Variants in TOX2 observed in about 807,000 individuals in gnomAD.
The protein encoded by TOX2 is granulosa cell HMG box 1.
In TOX2, 15 loss-of-function variants were observed where a neutral mutation model predicts 47.4. That is an observed-to-expected ratio of 0.32 (90% CI 0.21 to 0.49). The LOEUF (loss-of-function observed/expected upper bound fraction) is 0.49. Among genes scored for constraint, TOX2 ranks in the 20% least tolerant of loss-of-function variants. TOX2 has a pLI of 0.99. For missense variants in TOX2, 622 were observed against 673.1 expected (o/e 0.92, Z 0.84); for synonymous variants, 290 against 296.6 (o/e 0.98, Z 0.23).
intron 1 of TOX2, among the ~76,000 whole-genome samples, chr20:43,961,303 AG>A (rs1301316079): frequency 6.6e-6 from 1 of 152,008 alleles, no homozygotes; most frequent in African/African-American, 2.4e-5. Context: ...TGATCTGGGC[AG>A]GGGGCTTGGA....
At chr20:43,983,421 G>C (rs1200809486) in intron 2 of TOX2, among the ~76,000 whole-genome samples, 1 of 152,104 alleles carries the variant, frequency 6.6e-6, no homozygotes, top group East Asian at 1.9e-4. Context: ...CTAGGGTGGG[G>C]AGATGGTACC....
rs956886471 is a variant in TOX2 at position 43,916,736 on chromosome 20, G to A, written c.99+1746G>A. 2.0e-5 allele frequency among the ~76,000 whole-genome samples: 3 copies of A among 152,210 alleles called. No homozygotes were observed. Among genetic ancestry groups the A allele is most frequent in the African/African-American group, 7.2e-5 (3 of 41,438 alleles). ...AGGTAGGTACCAGCCTCTGGTTTGC[G>A]GGTGTGGGTGGGCTGGGCATTTGTG... On this transcript the variant is annotated intron_variant, in intron 1 of 8. Transcript: ENST00000341197. This position sits in a 1 kb window ranked among gnomAD's most constrained non-coding sequence, Gnocchi z 5.0.
intron 1 of TOX2, among the ~76,000 whole-genome samples, chr20:43,934,798 T>TGTGTGTG (rs2069302789): frequency 1.4e-5 from 2 of 147,842 alleles, no homozygotes; most frequent in South Asian, 2.2e-4. Flanking sequence ...GTGTGTGTGT[T>TGTGTGTG]TGTGTGTGTG....
chr20:43,948,826 C>G (rs764545883), intron 1 of TOX2, among the ~76,000 whole-genome samples: 2 of 152,208 alleles, frequency 1.3e-5, no homozygotes, highest in African/African-American at 4.8e-5. Context: ...GGGAGGGCCT[C>G]GGGAACCTCC....
intron 3 of TOX2, among the ~76,000 whole-genome samples, chr20:44,020,640 C>T (rs940821964): frequency 6.6e-6 from 1 of 152,140 alleles, no homozygotes; most frequent in African/African-American, 2.4e-5. Flanking sequence ...GCAGCATTGC[C>T]TGGGGACCTG....
intron 1 of TOX2, among the ~76,000 whole-genome samples, chr20:43,918,212 A>G (rs2069078953): frequency 1.3e-5 from 2 of 152,184 alleles, no homozygotes; most frequent in Admixed American, 6.5e-5. Context: ...CTGCTCAACT[A>G]TGGCAGACTA....
At chr20:43,971,188 C>T (rs2069959246) in intron 1 of TOX2, among the ~76,000 whole-genome samples, 1 of 152,126 alleles carries the variant, frequency 6.6e-6, no homozygotes, top group Non-Finnish European at 1.5e-5. Flanking sequence ...CTTCTCTGTG[C>T]CAGGCACTGT....
intron 3 of TOX2, among the ~76,000 whole-genome samples, chr20:44,043,130 G>A (rs1465948993): frequency 6.6e-6 from 1 of 152,172 alleles, no homozygotes; most frequent in Non-Finnish European, 1.5e-5. Context: ...TTGGATGTGG[G>A]AGTCTGGAGC....
chr20:43,951,414 A>G (rs2069563823), intron 1 of TOX2, among the ~76,000 whole-genome samples: 1 of 151,964 alleles, frequency 6.6e-6, no homozygotes. Flanking sequence ...GTATCTACTA[A>G]AAATACAAAA....
At chr20:43,922,003 G>A (rs949574124) in intron 1 of TOX2, among the ~76,000 whole-genome samples, 1 of 152,170 alleles carries the variant, frequency 6.6e-6, no homozygotes, top group Non-Finnish European at 1.5e-5. Flanking sequence ...CAGAGAAAGT[G>A]GGTTTTGGAG....
rs1052435695 is a variant in TOX2 at position 44,060,362 on chromosome 20, C to CAAAG, written c.880-4411_880-4408dup. The stretch of plus-strand genomic sequence containing the variant: ...AGACAGGTCATCAAGACAAAGTCAA[C>CAAAG]AAAGAAACAATGAACTTAAACTTAC... On this transcript the variant is annotated intron_variant, in intron 5 of 8. Coordinates refer to ENST00000341197, the MANE Select transcript of TOX2 (RefSeq NM_001098797.2). Among the ~76,000 whole-genome samples the CAAAG allele has an allele frequency of 3.4e-4, 52 of 152,210 alleles. 1 individual carries two copies. The highest frequency in any genetic ancestry group is 3.2e-3 in the Admixed American group (49 of 15,286).
intron 5 of TOX2, among the ~76,000 whole-genome samples, chr20:44,057,265 G>C (rs1476681255): frequency 6.6e-6 from 1 of 152,096 alleles, no homozygotes; most frequent in Admixed American, 6.5e-5. Context: ...TTCTAATTCT[G>C]TTTTCTTTTC....
rs539871350 is a variant in TOX2, at chr20:43,976,776, G to A, written c.165+3344G>A. ...TGCTTCTTGAACTCACAACGCGAGC[G>A]CGCGCGCACACACACACACACACAC... On this transcript the variant is annotated intron_variant, in intron 2 of 8. Coordinates refer to ENST00000341197, the MANE Select transcript of TOX2 (RefSeq NM_001098797.2). 5.9e-4 allele frequency among the ~76,000 whole-genome samples: 77 copies of A among 131,614 alleles called. 2 individuals carry two copies. Among genetic ancestry groups the A allele is most frequent in the Admixed American group, 2.1e-3 (27 of 12,790 alleles). The allele number at this position is 131,614 out of a possible 152,430, so 86.3% of individuals were successfully genotyped here. A position where few individuals can be genotyped will look rare whatever the true frequency, so the allele number is the denominator to read the frequency against.
At chr20:43,919,987 G>T (rs1015851431) in intron 1 of TOX2, among the ~76,000 whole-genome samples, 1 of 152,200 alleles carries the variant, frequency 6.6e-6, no homozygotes, top group African/African-American at 2.4e-5. Context: ...AGATTCTTGG[G>T]CTCCACCCCC....
intron 3 of TOX2, among the ~76,000 whole-genome samples, chr20:44,018,946 G>C (rs554636737): frequency 6.6e-6 from 1 of 152,262 alleles, no homozygotes; most frequent in Non-Finnish European, 1.5e-5. Context: ...GTGAATTACT[G>C]TCTCTCTCAG....
intron 4 of TOX2, among the ~76,000 whole-genome samples, chr20:44,053,487 C>A (rs1406090994): frequency 6.8e-6 from 1 of 146,630 alleles, no homozygotes; most frequent in Non-Finnish European, 1.5e-5. Flanking sequence ...TATATACACA[C>A]ATATATATAC....
intron 3 of TOX2, among the ~76,000 whole-genome samples, chr20:44,013,245 C>T (rs985074598): frequency 8.5e-5 from 13 of 152,180 alleles, no homozygotes; most frequent in Admixed American, 7.9e-4. Flanking sequence ...TGGGTATTGA[C>T]TCTGGGAGGT....
chr20:43,953,716 G>C (rs995853136), intron 1 of TOX2, among the ~76,000 whole-genome samples: 136 of 152,260 alleles, frequency 8.9e-4, no homozygotes, highest in African/African-American at 2.8e-3. Context: ...AATCAGCAGG[G>C]ACCAGGTCAA....
chr20:43,957,851 C>T (rs1194683271), intron 1 of TOX2, among the ~76,000 whole-genome samples: 1 of 152,074 alleles, frequency 6.6e-6, no homozygotes, highest in African/African-American at 2.4e-5. Context: ...CTTCACATGG[C>T]CAGCAGGAGA....
Sources: gnomAD v4.1 joint callset for allele counts (sites outside exome capture counted in the v4.1 genomes callset) on GRCh38, gnomAD v4.1.1 for gene constraint, Gnocchi (gnomAD v3.1) non-coding constraint, MANE v1.5 for transcripts, NCBI Gene and HGNC (gene_info 2026-07-23, HGNC 2026-07-21) for gene names.